The following ARHGAP22 variants were observed in gnomAD, a reference collection of about 807,000 sequenced individuals.
The protein encoded by ARHGAP22 is rho GTPase-activating protein 22.
In ARHGAP22, 48 loss-of-function variants were observed where a neutral mutation model predicts 59.1. The ratio of observed to expected loss-of-function variants is 0.81; its 90% CI spans 0.64 to 1.03. The LOEUF (loss-of-function observed/expected upper bound fraction) is 1.03. ARHGAP22 is among the 50% of genes least tolerant of loss of function. ARHGAP22 has a pLI of 0.00. For missense variants in ARHGAP22, 1,015 were observed against 958.7 expected (o/e 1.06, Z -0.78); for synonymous variants, 445 against 416.4 (o/e 1.07, Z -0.84).
chr10:48,634,657 C>A (rs2061743592), intron 1 of ARHGAP22, among the ~76,000 whole-genome samples: 1 of 152,114 alleles, frequency 6.6e-6, no homozygotes, highest in African/African-American at 2.4e-5. Flanking sequence ...GGAATAGACT[C>A]TCCTCTGCTT....
intron 4 of ARHGAP22, among the ~76,000 whole-genome samples, chr10:48,475,365 T>C (rs765974842): frequency 2.0e-5 from 3 of 152,190 alleles, no homozygotes; most frequent in Non-Finnish European, 2.9e-5. Context: ...TATGTGCTGA[T>C]GGCCCCCTAA....
chr10:48,524,501 C>T (rs1211046867), intron 3 of ARHGAP22, among the ~76,000 whole-genome samples: 2 of 150,318 alleles, frequency 1.3e-5, no homozygotes, highest in Non-Finnish European at 3.0e-5. Context: ...GCCTCCGCCT[C>T]CCTGGGAGCC....
the ARHGAP22 span, among the ~76,000 whole-genome samples, chr10:48,433,843 T>C: frequency 6.6e-6 from 1 of 152,204 alleles, no homozygotes; most frequent in Non-Finnish European, 1.5e-5. Flanking sequence ...CATCTTTGGG[T>C]GCCTGAACCT....
intron 1 of ARHGAP22, among the ~76,000 whole-genome samples, chr10:48,628,635 T>C (rs2061528912): frequency 6.6e-6 from 1 of 152,208 alleles, no homozygotes; most frequent in Admixed American, 6.5e-5. Flanking sequence ...GCCTGGTGAC[T>C]CCTGTTAGCA....
At chr10:48,576,723 C>T (rs1394070606) in intron 2 of ARHGAP22, among the ~76,000 whole-genome samples, 2 of 152,182 alleles carry the variant, frequency 1.3e-5, no homozygotes, top group African/African-American at 2.4e-5. Context: ...CTGAATCTGT[C>T]ACCACGTTCT....
At chr10:48,494,445 G>A (rs975026383) in intron 3 of ARHGAP22, among the ~76,000 whole-genome samples, 7 of 152,202 alleles carry the variant, frequency 4.6e-5, no homozygotes, top group African/African-American at 1.4e-4. Flanking sequence ...GGCAGAGGGA[G>A]GCAATGAGCA....
chr10:48,584,730 C>T (rs533741442), intron 1 of ARHGAP22, among the ~76,000 whole-genome samples: 1 of 152,326 alleles, frequency 6.6e-6, no homozygotes, highest in South Asian at 2.1e-4. Context: ...CGCGGTGGCT[C>T]ACGCCTGTAA....
rs541425538 is a variant in ARHGAP22, at chr10:48,577,391, C to T, written c.234+5562G>A. Among the ~76,000 whole-genome samples, 12 of 152,328 alleles carry T rather than the reference C, an allele frequency of 7.9e-5. No homozygotes were observed. In the East Asian group the frequency reaches 2.1e-3, roughly 27 times the overall value. On this transcript the variant is annotated intron_variant, in intron 2 of 9. Coordinates refer to ENST00000249601, the MANE Select transcript of ARHGAP22 (RefSeq NM_021226.4). Reference sequence around the variant, plus strand: ...AATGTCTGCTGAACCAGGCCTATCACTCCCACTTGAGAATGGTTCTCTATG... The same window carrying T: ...AATGTCTGCTGAACCAGGCCTATCATTCCCACTTGAGAATGGTTCTCTATG...
intron 2 of ARHGAP22, 42 bp from the exon 3 acceptor site, chr10:48,555,592 TG>T (rs1564874020): frequency 6.3e-7 from 1 of 1,590,132 alleles, no homozygotes. Flanking sequence ...CATGAGATGA[TG>T]GGGAGGGGAC....
Position 48,451,684 on chromosome 10 carries a change from C to T in ARHGAP22, c.989-544G>A, listed in dbSNP as rs536654898. Reference sequence around the variant, plus strand: ...CCCTAAAATACCCCCCACAATCACACGTACAATGCACCCCATCCACCCCCA... The same window carrying T: ...CCCTAAAATACCCCCCACAATCACATGTACAATGCACCCCATCCACCCCCA... On this transcript the variant is annotated intron_variant, in intron 8 of 9. Transcript: ENST00000249601. 372 of 604,924 alleles carry T rather than the reference C, an allele frequency of 6.1e-4. 5 individuals carry two copies. In the South Asian group the frequency reaches 6.4e-3, roughly 10 times the overall value. The allele number at this position is 604,924 out of a possible 1,614,324, so 37.5% of individuals were successfully genotyped here.
intron 3 of ARHGAP22, among the ~76,000 whole-genome samples, chr10:48,515,299 G>T (rs1298735625): frequency 6.6e-6 from 1 of 152,058 alleles, no homozygotes; most frequent in Admixed American, 6.5e-5. Flanking sequence ...ACAAATATCA[G>T]ACAAAATTGA....
intron 1 of ARHGAP22, among the ~76,000 whole-genome samples, chr10:48,623,328 G>A (rs908462887): frequency 3.3e-5 from 5 of 152,210 alleles, no homozygotes; most frequent in African/African-American, 9.6e-5. Flanking sequence ...TGTGAGGGAG[G>A]GCTGCGTGGT....
At chr10:48,480,527 G>T (rs931160570) in intron 3 of ARHGAP22, among the ~76,000 whole-genome samples, 1 of 152,210 alleles carries the variant, frequency 6.6e-6, no homozygotes, top group African/African-American at 2.4e-5. Flanking sequence ...TGGACTATCT[G>T]CCAGTAGGGT....
chr10:48,544,358 C>T (rs1176334161), intron 3 of ARHGAP22, among the ~76,000 whole-genome samples: 1 of 152,108 alleles, frequency 6.6e-6, no homozygotes, highest in Non-Finnish European at 1.5e-5. Flanking sequence ...CTGAGGCTCC[C>T]ACCCCCTCCC....
chr10:48,523,986 C>A, intron 3 of ARHGAP22: 2 of 1,397,236 alleles, frequency 1.4e-6, no homozygotes, highest in Non-Finnish European at 1.9e-6. Flanking sequence ...GGCGAGTCCC[C>A]GAGGCGGGGC....
intron 1 of ARHGAP22, among the ~76,000 whole-genome samples, chr10:48,601,610 C>T (rs1472693094): frequency 6.6e-6 from 1 of 152,168 alleles, no homozygotes; most frequent in Non-Finnish European, 1.5e-5. Context: ...AGCACCCACT[C>T]CACCCTCCCA....
At chr10:48,593,116 C>T (rs997320308) in intron 1 of ARHGAP22, among the ~76,000 whole-genome samples, 33 of 152,358 alleles carry the variant, frequency 2.2e-4, no homozygotes, top group African/African-American at 7.7e-4. Context: ...CCTCTGCTCT[C>T]TGGGCCCTCC....
chr10:48,466,383 C>T (rs1417915893), intron 4 of ARHGAP22, among the ~76,000 whole-genome samples: 1 of 152,000 alleles, frequency 6.6e-6, no homozygotes. Flanking sequence ...CGACCCTCGC[C>T]CCCTGGGAAC....
intron 8 of ARHGAP22, chr10:48,451,514 C>T (rs1159349727): frequency 1.1e-5 from 8 of 702,344 alleles, no homozygotes; most frequent in African/African-American, 3.5e-5. Flanking sequence ...TCGGCTGCCC[C>T]ACGTCACCCC....
Sources: allele counts gnomAD v4.1 joint callset (sites outside exome capture counted in the v4.1 genomes callset), GRCh38; gene constraint gnomAD v4.1.1; transcripts MANE v1.5; gene names NCBI Gene and HGNC (gene_info 2026-07-23, HGNC 2026-07-21).